Variants in ITGAM observed in about 807,000 individuals in gnomAD.
ITGAM encodes the protein integrin alpha-M.
A neutral mutation model predicts 137.5 loss-of-function variants in ITGAM; 79 were observed. The ratio of observed to expected loss-of-function variants is 0.57; its 90% CI spans 0.48 to 0.69. The LOEUF (loss-of-function observed/expected upper bound fraction) is 0.69. Ranked by LOEUF, ITGAM falls within the 30% of genes least tolerant of loss-of-function variation. The pLI is 0.00. For synonymous variants in ITGAM, 583 were observed against 592.3 expected, an observed-to-expected ratio of 0.98 and a Z score of 0.23; for missense variants, 1,343 against 1,483.5, an observed-to-expected ratio of 0.91 and a Z score of 1.56.
Position 31,324,044 on chromosome 16 carries a change from AGGAAGGAAGAAG to A in ITGAM, c.2003-345_2003-334del, listed in dbSNP as rs1290284557. Among the ~76,000 whole-genome samples the A allele has an allele frequency of 1.3e-4, 19 of 151,338 alleles. 1 individual carries two copies. The highest frequency in any genetic ancestry group is 1.2e-4 in the Non-Finnish European group (8 of 67,828). ...GAAAATAAAAAATAAAAAGAAAGGA[AGGAAGGAAGAAG>A]GGAAGGAAGGAAAGGAAGGAAAGTA... On this transcript the variant is annotated intron_variant, in intron 16 of 29. Coordinates refer to ENST00000544665, the MANE Select transcript of ITGAM (RefSeq NM_000632.4). The surrounding 1 kb of genome is among the most constrained non-coding windows in gnomAD (Gnocchi z 4.5).
At chr16:31,292,700 T>C (rs1403383080) in intron 12 of ITGAM, among the ~76,000 whole-genome samples, 2 of 152,184 alleles carry the variant, frequency 1.3e-5, no homozygotes, top group African/African-American at 2.4e-5. Flanking sequence ...TGTTTTGCTA[T>C]TGTGACTAGT....
At chr16:31,310,331 C>T in intron 14 of ITGAM, among the ~76,000 whole-genome samples, 1 of 152,168 alleles carries the variant, frequency 6.6e-6, no homozygotes, top group Non-Finnish European at 1.5e-5. Context: ...TTCAGGTACA[C>T]CAATGAGATG....
chr16:31,262,259 CTTCT>C (rs2079708599), intron 2 of ITGAM, among the ~76,000 whole-genome samples: 1 of 151,006 alleles, frequency 6.6e-6, no homozygotes, highest in African/African-American at 2.4e-5. Flanking sequence ...TCCTTCCTTC[CTTCT>C]TTCCTTCCTT....
At chr16:31,305,711 T>C (rs2080258157) in intron 14 of ITGAM, among the ~76,000 whole-genome samples, 1 of 152,206 alleles carries the variant, frequency 6.6e-6, no homozygotes, top group Admixed American at 6.5e-5. Flanking sequence ...TCTGCATCTA[T>C]TGAGATGATT....
At chr16:31,299,358 G>A (rs926154946) in intron 14 of ITGAM, among the ~76,000 whole-genome samples, 2 of 152,124 alleles carry the variant, frequency 1.3e-5, no homozygotes, top group African/African-American at 4.8e-5. Context: ...CGCCCAGGCT[G>A]GAGTGCAGTG....
chr16:31,300,159 G>A (rs1232883458), intron 14 of ITGAM, among the ~76,000 whole-genome samples: 3 of 152,132 alleles, frequency 2.0e-5, no homozygotes, highest in Non-Finnish European at 2.9e-5. Context: ...CTGGTAGAGA[G>A]GGAAGGAAAA....
At chr16:31,309,838 G>A (rs113662670) in intron 14 of ITGAM, among the ~76,000 whole-genome samples, 9 of 152,066 alleles carry the variant, frequency 5.9e-5, no homozygotes, top group African/African-American at 9.7e-5. Context: ...GCTCTTTTAG[G>A]GCAGGCCTGG....
At chr16:31,275,432 C>T (rs1169825705) in intron 8 of ITGAM, 117 bp from the exon 9 acceptor site, 2 of 1,094,120 alleles carry the variant, frequency 1.8e-6, no homozygotes, top group Non-Finnish European at 2.7e-6. Context: ...CAGGGACCTT[C>T]TGATGCATTT....
At chr16:31,320,473 C>A (rs2080437550) in intron 14 of ITGAM, among the ~76,000 whole-genome samples, 2 of 152,102 alleles carry the variant, frequency 1.3e-5, no homozygotes, top group Non-Finnish European at 2.9e-5. Flanking sequence ...ATTACTCTTG[C>A]ACATACTTTA....
intron 14 of ITGAM, among the ~76,000 whole-genome samples, chr16:31,308,052 G>A (rs2080283575): frequency 6.6e-6 from 1 of 152,082 alleles, no homozygotes; most frequent in South Asian, 2.1e-4. Context: ...CGGTTTGCCA[G>A]TATTTTATTG....
chr16:31,281,349 T>C (rs994730630), intron 12 of ITGAM, among the ~76,000 whole-genome samples: 1 of 152,218 alleles, frequency 6.6e-6, no homozygotes, highest in African/African-American at 2.4e-5. Context: ...CGTCTGGTCC[T>C]GGACTTTTTT....
intron 19 of ITGAM, 97 bp from the exon 20 acceptor site, chr16:31,325,166 C>A: frequency 6.7e-7 from 1 of 1,502,994 alleles, no homozygotes; most frequent in Non-Finnish European, 8.9e-7. Flanking sequence ...CCACTGTTGT[C>A]TCTTCATCAA....
chr16:31,276,460 T>G (rs914064435), intron 9 of ITGAM, among the ~76,000 whole-genome samples: 1 of 152,094 alleles, frequency 6.6e-6, no homozygotes, highest in African/African-American at 2.4e-5. Flanking sequence ...GCCTCCTGAG[T>G]AGCTGGGATT....
At position 31,275,615 on chromosome 16, in the gene ITGAM, C is replaced by A. The variant is rs774088263; in HGVS notation, c.925C>A (p.Arg309Ser). 2 of 1,613,924 alleles carry A rather than the reference C, an allele frequency of 1.2e-6. No individual in the cohort carries two copies. The change falls in exon 9 of 30, where the codon CGT becomes AGT. Residue 309 changes from arginine (R) to serine (S), a missense_variant. Coordinates refer to ENST00000544665, the MANE Select transcript of ITGAM (RefSeq NM_000632.4). ...ELNTIASKPP[R>S]DHVFQVNNFE... The stretch of plus-strand genomic sequence containing the variant: ...TAATACCATCGCATCCAAGCCGCCT[C>A]GTGATCACGTGTTCCAGGTGAATAA...
At chr16:31,274,910 C>A (rs905131698) in intron 8 of ITGAM, among the ~76,000 whole-genome samples, 1 of 152,204 alleles carries the variant, frequency 6.6e-6, no homozygotes, top group Non-Finnish European at 1.5e-5. Context: ...TGAGCCACTG[C>A]ACCTGGCCTA....
intron 12 of ITGAM, among the ~76,000 whole-genome samples, chr16:31,286,384 A>G (rs1480020430): frequency 6.6e-6 from 1 of 152,168 alleles, no homozygotes; most frequent in Non-Finnish European, 1.5e-5. Flanking sequence ...GCTGGGCTGA[A>G]TAGTAGCCCT....
intron 14 of ITGAM, among the ~76,000 whole-genome samples, chr16:31,299,123 T>G (rs867143420): frequency 6.6e-6 from 1 of 152,204 alleles, no homozygotes; most frequent in Non-Finnish European, 1.5e-5. Context: ...ATGAGACCTA[T>G]CCTCTTAACA....
At chr16:31,274,205 C>A (rs757216755) in intron 8 of ITGAM, among the ~76,000 whole-genome samples, 2 of 152,204 alleles carry the variant, frequency 1.3e-5, no homozygotes, top group Non-Finnish European at 2.9e-5. Flanking sequence ...TGGCTCAAGC[C>A]ACCCACAAGT....
intron 14 of ITGAM, among the ~76,000 whole-genome samples, chr16:31,302,048 T>C (rs1289882885): frequency 6.6e-6 from 1 of 152,196 alleles, no homozygotes; most frequent in African/African-American, 2.4e-5. Flanking sequence ...AACCCACTTA[T>C]TTTGGCTTTT....
Sources: gnomAD v4.1 joint callset for allele counts (sites outside exome capture counted in the v4.1 genomes callset) on GRCh38, gnomAD v4.1.1 for gene constraint, Gnocchi (gnomAD v3.1) non-coding constraint, MANE v1.5 for transcripts, NCBI Gene and HGNC (gene_info 2026-07-23, HGNC 2026-07-21) for gene names.